The following SGCZ variants were observed in gnomAD, a reference collection of about 807,000 sequenced individuals.
SGCZ encodes the protein sarcoglycan zeta.
SGCZ carries 40 observed loss-of-function variants against 41.3 expected under a neutral mutation model. The observed-to-expected ratio is 0.97, with a 90% CI of 0.75 to 1.26. SGCZ has a LOEUF of 1.26. Ranked by LOEUF, SGCZ falls within the 50% of genes most tolerant of loss-of-function variation. The pLI, the probability that SGCZ is intolerant of heterozygous loss-of-function variation, is 0.00. For missense variants in SGCZ, 552 were observed against 369.8 expected (o/e 1.49, Z -4.04); for synonymous variants, 206 against 137.5 (o/e 1.50, Z -3.49).
At chr8:14,875,513 G>A (rs1804322143) in intron 1 of SGCZ, among the ~76,000 whole-genome samples, 1 of 152,124 alleles carries the variant, frequency 6.6e-6, no homozygotes. Context: ...GGAGCAGATA[G>A]AAGTCCCCAC....
intron 2 of SGCZ, among the ~76,000 whole-genome samples, chr8:14,432,914 C>CAAAAAAAAAAAAAAA (rs767979164): frequency 4.0e-5 from 3 of 75,604 alleles, no homozygotes; most frequent in African/African-American, 1.2e-4. Context: ...ACTGTGTCTC[C>CAAAAAAAAAAAAAAA]AAAAAAAAAA....
chr8:14,552,108 A>G (rs1486431254), intron 2 of SGCZ, among the ~76,000 whole-genome samples: 1 of 152,012 alleles, frequency 6.6e-6, no homozygotes, highest in Non-Finnish European at 1.5e-5. Context: ...TTCTTACTAT[A>G]GTGTGGCAAC....
chr8:14,911,377 G>C (rs1178794499), intron 1 of SGCZ, among the ~76,000 whole-genome samples: 1 of 151,946 alleles, frequency 6.6e-6, no homozygotes, highest in Non-Finnish European at 1.5e-5. Context: ...CTTAGGAAAA[G>C]ACAGCATCAA....
intron 3 of SGCZ, among the ~76,000 whole-genome samples, chr8:14,274,409 C>T (rs10094530): frequency 0.032 from 4,812 of 152,166 alleles, 91 homozygotes; most frequent in African/African-American, 0.052. Flanking sequence ...GTGTACAAGT[C>T]GTTGGTTTTA....
At chr8:14,304,506 A>T (rs935993071) in intron 3 of SGCZ, among the ~76,000 whole-genome samples, 5 of 152,116 alleles carry the variant, frequency 3.3e-5, no homozygotes, top group African/African-American at 1.2e-4. Context: ...AGGTTGGAGG[A>T]TCACTTGAGA....
intron 1 of SGCZ, among the ~76,000 whole-genome samples, chr8:14,731,828 T>A (rs1023337952): frequency 2.0e-5 from 3 of 152,184 alleles, no homozygotes; most frequent in Admixed American, 6.5e-5. Context: ...TGAGTACCAC[T>A]TTTTCTACAA....
intron 5 of SGCZ, among the ~76,000 whole-genome samples, chr8:14,146,005 G>C (rs953679227): frequency 3.9e-5 from 6 of 152,056 alleles, no homozygotes; most frequent in Non-Finnish European, 8.8e-5. Context: ...TAGAGAAAAA[G>C]GTATGGGTAG....
chr8:15,215,109 G>A (rs549161697), intron 1 of SGCZ, among the ~76,000 whole-genome samples: 1 of 152,222 alleles, frequency 6.6e-6, no homozygotes, highest in East Asian at 1.9e-4. Flanking sequence ...GTAGATTACT[G>A]AATATGTAAA....
chr8:14,820,765 G>C (rs1802051696), intron 1 of SGCZ, among the ~76,000 whole-genome samples: 1 of 151,352 alleles, frequency 6.6e-6, no homozygotes, highest in South Asian at 2.1e-4. Flanking sequence ...AAATTAAAAG[G>C]GATCTAAAAA....
At chr8:14,588,008 T>G (rs1805116221) in intron 1 of SGCZ, among the ~76,000 whole-genome samples, 1 of 152,122 alleles carries the variant, frequency 6.6e-6, no homozygotes, top group Admixed American at 6.5e-5. Context: ...AAAAGATGTT[T>G]AAAAAGTTGA....
At chr8:14,642,701 T>A (rs894195043) in intron 1 of SGCZ, among the ~76,000 whole-genome samples, 8 of 151,620 alleles carry the variant, frequency 5.3e-5, no homozygotes, top group Admixed American at 4.6e-4. Flanking sequence ...ACTGGTCTTT[T>A]TTGTAATGTA....
chr8:14,120,945 A>T (rs1802678549), intron 5 of SGCZ, among the ~76,000 whole-genome samples: 1 of 152,140 alleles, frequency 6.6e-6, no homozygotes, highest in Admixed American at 6.5e-5. Flanking sequence ...ATCTCTATAG[A>T]AGAATATCAG....
chr8:14,170,134 T>C (rs1040984148), intron 4 of SGCZ, among the ~76,000 whole-genome samples: 3 of 151,996 alleles, frequency 2.0e-5, no homozygotes, highest in African/African-American at 7.2e-5. Flanking sequence ...TTAACCTTTA[T>C]TAAATAGAAG....
intron 4 of SGCZ, among the ~76,000 whole-genome samples, chr8:14,200,496 G>C (rs952906674): frequency 3.3e-5 from 5 of 152,096 alleles, no homozygotes; most frequent in African/African-American, 1.2e-4. Flanking sequence ...TTTTTAAAAG[G>C]ACTGACCAAT....
At chr8:15,033,699 G>A (rs1414442370) in intron 1 of SGCZ, among the ~76,000 whole-genome samples, 1 of 152,044 alleles carries the variant, frequency 6.6e-6, no homozygotes, top group Non-Finnish European at 1.5e-5. Flanking sequence ...GTGCCTGGTT[G>A]GCTCCTGCAG....
intron 2 of SGCZ, among the ~76,000 whole-genome samples, chr8:14,429,299 G>A (rs1266834967): frequency 6.6e-6 from 1 of 152,194 alleles, no homozygotes; most frequent in Non-Finnish European, 1.5e-5. Flanking sequence ...GGTTGTCAGG[G>A]TAGAAGGTGA....
At chr8:14,266,936 T>C (rs192733524) in intron 3 of SGCZ, among the ~76,000 whole-genome samples, 1 of 152,236 alleles carries the variant, frequency 6.6e-6, no homozygotes, top group Non-Finnish European at 1.5e-5. Flanking sequence ...AATGAATTTC[T>C]TTTACTAGCT....
intron 1 of SGCZ, chr8:14,878,912 TG>T: frequency 7.3e-6 from 1 of 137,280 alleles, no homozygotes; most frequent in East Asian, 1.9e-4. Flanking sequence ...CTTACAGTTT[TG>T]TTGTTGTTGT....
rs1800405388 is a variant in SGCZ at position 14,776,506 on chromosome 8, T to TTTTTTC, written c.40-221586_40-221581dup. ...AGTGTGAAATCAGACTAATACACTT[T>TTTTTTC]TTTTTCTTTTTCTTTTTTTTTTTTT... On this transcript the variant is annotated intron_variant, in intron 1 of 7. Transcript: ENST00000382080. Among the ~76,000 whole-genome samples the TTTTTTC allele has an allele frequency of 2.0e-5, 3 of 148,364 alleles. No homozygotes were observed. The East Asian group carries it at 6.1e-4, about 30-fold the overall frequency.
Sources: allele counts gnomAD v4.1 joint callset (sites outside exome capture counted in the v4.1 genomes callset), GRCh38; gene constraint gnomAD v4.1.1; transcripts MANE v1.5; gene names NCBI Gene and HGNC (gene_info 2026-07-23, HGNC 2026-07-21).